The following ACADS variants were observed in gnomAD, a reference collection of about 807,000 sequenced individuals.
ACADS encodes the protein acyl-CoA dehydrogenase short chain, also known as short-chain specific acyl-CoA dehydrogenase, mitochondrial.
In ACADS, 28 loss-of-function variants were observed where a neutral mutation model predicts 46.8. That is an observed-to-expected ratio of 0.60 (90% CI 0.44 to 0.82). ACADS has a LOEUF of 0.82. Ranked by LOEUF, ACADS falls within the 40% of genes least tolerant of loss-of-function variation. The pLI is 0.00. For missense variants in ACADS, 528 were observed against 578.0 expected (o/e 0.91, Z 0.89); for synonymous variants, 236 against 237.7 (o/e 0.99, Z 0.07).
Position 120,736,969 on chromosome 12 carries a change from T to C in ACADS, c.211-17T>C. Reference sequence around the variant, plus strand: ...CCCGGCAGCTGCCCATGGCGTGCCGTCCTTCCCTGTGCCCAGGTGAAGAAG... The same window carrying C: ...CCCGGCAGCTGCCCATGGCGTGCCGCCCTTCCCTGTGCCCAGGTGAAGAAG... On this transcript the variant is annotated splice_polypyrimidine_tract_variant and intron_variant, in intron 2 of 9. Transcript: ENST00000242592. The C allele has an allele frequency of 5.0e-6, 8 of 1,595,858 alleles. No individual in the cohort carries two copies. Among genetic ancestry groups the C allele is most frequent in the Non-Finnish European group, 6.0e-6 (7 of 1,171,960 alleles).
At chr12:120,734,386 G>T (rs1213857593) in intron 2 of ACADS, among the ~76,000 whole-genome samples, 1 of 152,222 alleles carries the variant, frequency 6.6e-6, no homozygotes. Context: ...ATGTGCACTT[G>T]TGGGGGTCAT....
intron 2 of ACADS, among the ~76,000 whole-genome samples, chr12:120,734,121 T>A (rs1883355853): frequency 1.3e-5 from 2 of 152,202 alleles, no homozygotes; most frequent in African/African-American, 4.8e-5. Context: ...GTGTCTGTCT[T>A]TGCCTTACAA....
rs2136949140 is a variant in ACADS at position 120,737,863 on chromosome 12, T to C, written c.499T>C (p.Ser167Pro). 1 of 1,613,772 alleles carries C rather than the reference T, an allele frequency of 6.2e-7. No homozygotes were observed. The highest frequency in any genetic ancestry group is 8.5e-7 in the Non-Finnish European group (1 of 1,179,850). The change falls in exon 5 of 10, where the codon TCC (serine) becomes CCC (proline). Residue 167 changes from serine (S) to proline (P), a missense_variant. Coordinates refer to ENST00000242592, the MANE Select transcript of ACADS (RefSeq NM_000017.4). ...PGNGSDAGAASTTARAEGDSW... is the reference protein window; with the variant it reads ...PGNGSDAGAAPTTARAEGDSW... ...GAACGGCAGTGATGCAGGAGCTGCG[T>C]CCACCACCGCCCGGGCCGAGGGCGA...
intron 2 of ACADS, among the ~76,000 whole-genome samples, chr12:120,732,500 C>T (rs868859248): frequency 5.6e-4 from 84 of 150,980 alleles, no homozygotes; most frequent in African/African-American, 1.9e-3. Context: ...GGGCTCCTCA[C>T]TTCTCGGGGC....
chr12:120,729,237 C>G (rs1299317981), intron 2 of ACADS, among the ~76,000 whole-genome samples: 1 of 150,886 alleles, frequency 6.6e-6, no homozygotes, highest in South Asian at 2.1e-4. Flanking sequence ...TTTCCCTTGA[C>G]TGCTTCTCTT....
chr12:120,731,680 C>T (rs1004994950), intron 2 of ACADS, among the ~76,000 whole-genome samples: 10 of 151,640 alleles, frequency 6.6e-5, no homozygotes, highest in Admixed American at 1.3e-4. Flanking sequence ...GGGTGTTTCT[C>T]GCAGAGGGGG....
chr12:120,738,859 C>T lies in ACADS; in HGVS notation c.973C>T (p.Arg325Trp), dbSNP rs121908006. ...CATGGCCCTGGCCCTGGAGAGTGCC[C>T]GGCTGCTGACCTGGCGCGCTGCCAT... ...ADMALALESARLLTWRAAMLK... is the reference protein window; with the variant it reads ...ADMALALESAWLLTWRAAMLK... The change falls in exon 8 of 10, where the codon CGG (arginine) becomes TGG (tryptophan). Residue 325 changes from arginine (R) to tryptophan (W), a missense_variant. By Grantham distance (101) the Arg-to-Trp change is moderately radical. Transcript: ENST00000242592. 3.8e-5 allele frequency: 61 copies of T among 1,613,456 alleles called. No homozygotes were observed. Among genetic ancestry groups the T allele is most frequent in the South Asian group, 5.5e-5 (5 of 91,032 alleles).
At chr12:120,727,657 C>G (rs1055828252) in intron 2 of ACADS, among the ~76,000 whole-genome samples, 9 of 152,140 alleles carry the variant, frequency 5.9e-5, no homozygotes, top group African/African-American at 2.2e-4. Flanking sequence ...CTGCCTCAGC[C>G]TCCCAAGTAG....
In ACADS at chr12:120,738,874, C is replaced by A. The variant is rs140853839; in HGVS notation, c.988C>A (p.Arg330Ser). The change falls in exon 8 of 10, where the codon CGC becomes AGC. Residue 330 changes from arginine to serine, a missense_variant. Physicochemically the swap from Arg to Ser is moderately radical, Grantham distance 110 (BLOSUM62 -1). Coordinates refer to ENST00000242592, the MANE Select transcript of ACADS (RefSeq NM_000017.4). Reference sequence around the variant, plus strand: ...GGAGAGTGCCCGGCTGCTGACCTGGCGCGCTGCCATGCTGAAGGATAACAA... The same window carrying A: ...GGAGAGTGCCCGGCTGCTGACCTGGAGCGCTGCCATGCTGAAGGATAACAA... ...ALESARLLTW[R>S]AAMLKDNKKP... The A allele has an allele frequency of 6.2e-7, 1 of 1,613,868 alleles. No individual in the cohort carries two copies. The highest frequency in any genetic ancestry group is 8.5e-7 in the Non-Finnish European group (1 of 1,180,014).
At position 120,734,791 on chromosome 12, in the gene ACADS, G is replaced by A. The variant is rs149133021; in HGVS notation, c.211-2195G>A. 1.1e-3 allele frequency among the ~76,000 whole-genome samples: 162 copies of A among 143,764 alleles called. 1 individual carries two copies. The highest frequency in any genetic ancestry group is 9.9e-3 in the South Asian group (45 of 4,542). The allele number at this position is 143,764 out of a possible 152,430, so 94.3% of individuals were successfully genotyped here. ...TTTTGAGACAGATTCTCGCTCTGTC[G>A]CCCAGACTGGAGTGCAGTGGCGTGC... On this transcript the variant is annotated intron_variant, in intron 2 of 9. Coordinates refer to ENST00000242592, the MANE Select transcript of ACADS (RefSeq NM_000017.4).
chr12:120,738,584 G>A lies in ACADS; in HGVS notation c.847G>A (p.Ala283Thr). ...IGIASQALGI[A>T]QTALDCAVNY... is the part of the protein sequence containing the mutation. ...CATCGCCTCCCAGGCCCTGGGCATTGCCCAGACCGCCCTCGATTGTGCTGT... is the reference window on the plus strand; with the variant it reads ...CATCGCCTCCCAGGCCCTGGGCATTACCCAGACCGCCCTCGATTGTGCTGT... The change falls in exon 7 of 10, where the codon GCC becomes ACC. Residue 283 changes from alanine to threonine, a missense_variant. Transcript: ENST00000242592. 6.2e-7 allele frequency: 1 copy of A among 1,612,802 alleles called. No individual in the cohort carries two copies. The highest frequency in any genetic ancestry group is 8.5e-7 in the Non-Finnish European group (1 of 1,180,034).
At position 120,727,135 on chromosome 12, in the gene ACADS, G is replaced by C. The variant is rs1767915567; in HGVS notation, c.156G>C (p.Glu52Asp). 1.9e-6 allele frequency: 3 copies of C among 1,614,216 alleles called. No homozygotes were observed. Among genetic ancestry groups the C allele is most frequent in the Non-Finnish European group, 2.5e-6 (3 of 1,180,046 alleles). The change falls in exon 2 of 10, where the codon GAG becomes GAC. Residue 52 changes from glutamate to aspartate, a missense_variant. By Grantham distance (45) the Glu-to-Asp change is conservative (BLOSUM62 2). Transcript: ENST00000242592. ...CATGCCGGGACTTTGCCGAGAAGGAGTTGTTTCCCATTGCAGCCCAGGTGG... is the reference window on the plus strand; with the variant it reads ...CATGCCGGGACTTTGCCGAGAAGGACTTGTTTCCCATTGCAGCCCAGGTGG... ...LQTCRDFAEK[E>D]LFPIAAQVDK... is the part of the protein sequence containing the mutation.
intron 1 of ACADS, 98 bp from the exon 2 acceptor site, chr12:120,726,928 C>T: frequency 7.0e-7 from 1 of 1,427,548 alleles, no homozygotes; most frequent in Non-Finnish European, 9.8e-7. Flanking sequence ...CCAGATGTCC[C>T]TTGGAGGGCA....
chr12:120,736,542 G>A (rs180830526), intron 2 of ACADS, among the ~76,000 whole-genome samples: 18 of 152,204 alleles, frequency 1.2e-4, no homozygotes, highest in Non-Finnish European at 8.8e-5. Context: ...CCTGAGCTGC[G>A]ATCAGAAGGA....
At chr12:120,738,954 G>C in intron 8 of ACADS, 39 bp downstream of exon 8, 1 of 1,609,302 alleles carries the variant, frequency 6.2e-7, no homozygotes, top group South Asian at 1.1e-5. Flanking sequence ...CCAGAATGTG[G>C]TGGGCCCAGG....
At position 120,739,139 on chromosome 12, in the gene ACADS, G is replaced by A. The variant is rs1226857910; in HGVS notation, c.1030-1G>A. The A allele has an allele frequency of 1.9e-6, 3 of 1,612,942 alleles. No homozygotes were observed. In the East Asian group the frequency reaches 6.7e-5, roughly 36 times the overall value. ...GGCTCTGACTGTACCCCCATGTTTA[G>A]GAGGCAGCCATGGCCAAGCTGGCCG... On this transcript the variant is annotated splice_acceptor_variant, in intron 8 of 9. Coordinates refer to ENST00000242592, the MANE Select transcript of ACADS (RefSeq NM_000017.4). LOFTEE classifies it high-confidence loss of function.
intron 2 of ACADS, among the ~76,000 whole-genome samples, chr12:120,736,006 C>T (rs560286663): frequency 1.1e-4 from 16 of 144,562 alleles, no homozygotes; most frequent in South Asian, 8.3e-4. Flanking sequence ...TCCCTGTCCC[C>T]GTCCCTGTCC....
rs1295037291 is a variant in ACADS, at chr12:120,739,923, T to G, written c.*475T>G. ...GCCATGGAGCTGGCCCAGAGGCCCC[T>G]CAGCCCTTTGTAAAGTCTGATGAAG... On this transcript the variant is annotated 3_prime_UTR_variant, in exon 10 of 10. Transcript: ENST00000242592. 5.3e-6 allele frequency: 1 copy of G among 188,794 alleles called. No homozygotes were observed. Among genetic ancestry groups the G allele is most frequent in the Non-Finnish European group, 1.1e-5 (1 of 89,732 alleles). 11.7% of individuals were successfully genotyped at this position (188,794 alleles called of 1,614,324 possible).
At chr12:120,739,263 C>T in intron 9 of ACADS, 33 bp from the exon 10 acceptor site, 1 of 1,612,996 alleles carries the variant, frequency 6.2e-7, no homozygotes, top group Non-Finnish European at 8.5e-7. Context: ...ACGCCGGGGT[C>T]TTCTCCCTCC....
Sources: allele counts gnomAD v4.1 joint callset (sites outside exome capture counted in the v4.1 genomes callset), GRCh38; gene constraint gnomAD v4.1.1; transcripts MANE v1.5; gene names NCBI Gene and HGNC (gene_info 2026-07-23, HGNC 2026-07-21).